LRRC4C: variants seen among roughly 807,000 people sequenced by gnomAD.
The protein encoded by LRRC4C is leucine rich repeat containing 4C.
In LRRC4C, 5 loss-of-function variants were observed where a neutral mutation model predicts 33.6. The ratio of observed to expected loss-of-function variants is 0.15; its 90% confidence interval spans 0.08 to 0.31. The LOEUF is 0.31. Ranked by LOEUF, LRRC4C falls within the 10% of genes least tolerant of loss-of-function variation. The pLI is 1.00. For missense variants in LRRC4C, 560 were observed against 796.7 expected (o/e 0.70, Z 3.58); for synonymous variants, 329 against 302.0 (o/e 1.09, Z -0.93).
intron 2 of LRRC4C, among the ~76,000 whole-genome samples, chr11:40,888,705 T>C (rs1240245189): frequency 2.0e-5 from 3 of 152,026 alleles, no homozygotes; most frequent in Non-Finnish European, 2.9e-5. Flanking sequence ...ATTAACCAAA[T>C]TTCAAACTTT....
intron 3 of LRRC4C, among the ~76,000 whole-genome samples, chr11:40,632,821 G>A (rs568823461): frequency 2.0e-5 from 3 of 152,196 alleles, no homozygotes; most frequent in Admixed American, 6.5e-5. Flanking sequence ...GGCTCTGGAG[G>A]GTCTGAGCAA....
chr11:40,537,213 G>T (rs72883481), intron 3 of LRRC4C, among the ~76,000 whole-genome samples: 4 of 152,074 alleles, frequency 2.6e-5, no homozygotes, highest in Admixed American at 6.5e-5. Flanking sequence ...CTCTGTCTCC[G>T]TAAGAAAAGA....
At chr11:40,351,597 A>G (rs1313762229) in intron 3 of LRRC4C, 1 of 152,032 alleles carries the variant, frequency 6.6e-6, no homozygotes, top group African/African-American at 2.4e-5. Flanking sequence ...ATCTCAATTG[A>G]TCACAGTCAG....
chr11:41,121,205 C>T (rs1401016929), intron 1 of LRRC4C, among the ~76,000 whole-genome samples: 3 of 152,004 alleles, frequency 2.0e-5, no homozygotes, highest in East Asian at 1.9e-4. Context: ...TTTTGGAGTA[C>T]CATCTATTTC....
At chr11:40,867,554 G>A (rs995562608) in intron 2 of LRRC4C, among the ~76,000 whole-genome samples, 3 of 152,000 alleles carry the variant, frequency 2.0e-5, no homozygotes, top group Non-Finnish European at 4.4e-5. Context: ...TAAATCAATT[G>A]GGGGGAAAAA....
At position 40,226,669 on chromosome 11, in the gene LRRC4C, TG is replaced by T. The variant is rs558436619; in HGVS notation, c.-96+14849del. 3.3e-4 allele frequency among the ~76,000 whole-genome samples: 51 copies of T among 152,328 alleles called. 1 individual carries two copies. The South Asian group carries it at 0.011, about 32-fold the overall frequency. ...CACAGAGCACTGGGTCTAAGAAATC[TG>T]AGTTCTGTTTTGGCATCTGGTCCTA... On this transcript the variant is annotated intron_variant, in intron 5 of 6. Coordinates refer to ENST00000528697, the MANE Select transcript of LRRC4C (RefSeq NM_001258419.2).
chr11:41,136,090 A>G (rs975389758), intron 1 of LRRC4C, among the ~76,000 whole-genome samples: 5 of 152,156 alleles, frequency 3.3e-5, no homozygotes, highest in Admixed American at 2.0e-4. Flanking sequence ...GTGCCTGCAT[A>G]TGTCAGGCAG....
At chr11:40,277,993 T>C (rs2136415859) in intron 4 of LRRC4C, among the ~76,000 whole-genome samples, 1 of 152,296 alleles carries the variant, frequency 6.6e-6, no homozygotes, top group South Asian at 2.1e-4. Flanking sequence ...AGGAAAACCC[T>C]ACTCCAACAG....
chr11:41,104,304 T>A lies in LRRC4C; in HGVS notation c.-495-170581A>T, dbSNP rs151042435. On this transcript the variant is annotated intron_variant, in intron 1 of 6. Coordinates refer to ENST00000528697, the MANE Select transcript of LRRC4C (RefSeq NM_001258419.2). ...AGCCAATTAAAAATGAGCAACAGAT[T>A]TGAATATGTATTTCACCAAAGAATA... is the stretch of plus-strand genomic sequence containing the variant. 2.2e-4 allele frequency among the ~76,000 whole-genome samples: 33 copies of A among 152,020 alleles called. 1 individual carries two copies. The East Asian group carries it at 6.0e-3, about 28-fold the overall frequency.
chr11:40,709,236 A>G (rs1290806306), intron 2 of LRRC4C, among the ~76,000 whole-genome samples: 1 of 152,110 alleles, frequency 6.6e-6, no homozygotes, highest in Non-Finnish European at 1.5e-5. Flanking sequence ...TGTGAATTTG[A>G]TCCCGTCATT....
chr11:40,676,417 C>T (rs1314335203), intron 2 of LRRC4C, among the ~76,000 whole-genome samples: 4 of 152,146 alleles, frequency 2.6e-5, no homozygotes, highest in Non-Finnish European at 4.4e-5. Context: ...GAATTCCCTC[C>T]GTAGACATTT....
chr11:40,849,914 T>C (rs1285707242), intron 2 of LRRC4C, among the ~76,000 whole-genome samples: 1 of 151,626 alleles, frequency 6.6e-6, no homozygotes, highest in Non-Finnish European at 1.5e-5. Flanking sequence ...TTCTGCTTGA[T>C]CCATTTGGCT....
intron 4 of LRRC4C, among the ~76,000 whole-genome samples, chr11:40,247,545 T>A (rs1866443736): frequency 6.6e-6 from 1 of 152,194 alleles, no homozygotes; most frequent in Non-Finnish European, 1.5e-5. Context: ...AAAATGAGAT[T>A]CTATCACTTA....
At chr11:40,889,626 C>G (rs2136097021) in intron 2 of LRRC4C, among the ~76,000 whole-genome samples, 1 of 152,002 alleles carries the variant, frequency 6.6e-6, no homozygotes, top group South Asian at 2.1e-4. Flanking sequence ...ATTAGAAAAC[C>G]ATCCATTATC....
chr11:40,171,314 C>T (rs975562454), intron 5 of LRRC4C, among the ~76,000 whole-genome samples: 13 of 152,066 alleles, frequency 8.5e-5, no homozygotes, highest in African/African-American at 2.2e-4. Context: ...AATAAAATCA[C>T]GCTTCAGCAT....
At chr11:40,225,080 C>G (rs1024970194) in intron 5 of LRRC4C, among the ~76,000 whole-genome samples, 20 of 152,092 alleles carry the variant, frequency 1.3e-4, no homozygotes, top group Admixed American at 3.9e-4. Flanking sequence ...AAATGAATAC[C>G]TATAAGCTGC....
At chr11:41,049,197 A>G (rs995434235) in intron 1 of LRRC4C, among the ~76,000 whole-genome samples, 2 of 152,112 alleles carry the variant, frequency 1.3e-5, no homozygotes, top group Admixed American at 1.3e-4. Context: ...TTTCCTCCAT[A>G]CTATTCTTGT....
intron 2 of LRRC4C, among the ~76,000 whole-genome samples, chr11:40,843,454 A>G (rs1378341109): frequency 6.6e-6 from 1 of 152,146 alleles, no homozygotes; most frequent in African/African-American, 2.4e-5. Flanking sequence ...ATCATTATCA[A>G]CAATTTTCAA....
intron 1 of LRRC4C, among the ~76,000 whole-genome samples, chr11:41,265,534 C>A (rs1478619710): frequency 2.0e-5 from 3 of 151,990 alleles, no homozygotes; most frequent in African/African-American, 4.8e-5. Context: ...ATCTTACCAA[C>A]CTTGTGAGTT....
Sources: allele counts gnomAD v4.1 joint callset (sites outside exome capture counted in the v4.1 genomes callset), GRCh38; gene constraint gnomAD v4.1.1; transcripts MANE v1.5; gene names NCBI Gene and HGNC (gene_info 2026-07-23, HGNC 2026-07-21).